The following LINGO2 variants were observed in gnomAD, a reference collection of about 807,000 sequenced individuals.
The protein encoded by LINGO2 is leucine rich repeat and Ig domain containing 2, also known as leucine-rich repeat and immunoglobulin-like domain-containing nogo receptor-interacting protein 2.
LINGO2 carries 14 observed loss-of-function variants against 30.6 expected under a neutral mutation model. The ratio of observed to expected loss-of-function variants is 0.46; its 90% CI spans 0.30 to 0.72. LINGO2 has a LOEUF of 0.72. Ranked by LOEUF, LINGO2 falls within the 30% of genes least tolerant of loss-of-function variation. The pLI is 0.07. For missense variants in LINGO2, 729 were observed against 751.7 expected (o/e 0.97, Z 0.35); for synonymous variants, 317 against 288.5 (o/e 1.10, Z -1.00).
At chr9:28,465,510 A>G (rs1825264013) in intron 2 of LINGO2, among the ~76,000 whole-genome samples, 1 of 152,104 alleles carries the variant, frequency 6.6e-6, no homozygotes, top group Non-Finnish European at 1.5e-5. Flanking sequence ...GAAAACAGGG[A>G]AGTGAAGTTC....
chr9:28,664,180 G>A (rs1251775626), intron 1 of LINGO2, among the ~76,000 whole-genome samples: 1 of 152,052 alleles, frequency 6.6e-6, no homozygotes, highest in Non-Finnish European at 1.5e-5. Context: ...AATAATGCTA[G>A]GGATAAAATT....
At chr9:28,394,290 G>A (rs560357296) in intron 2 of LINGO2, among the ~76,000 whole-genome samples, 60 of 152,300 alleles carry the variant, frequency 3.9e-4, no homozygotes, top group Admixed American at 2.6e-4. Flanking sequence ...GGACTTCACT[G>A]TCAGTAATCT....
At chr9:28,274,999 C>A (rs1823066336) in intron 4 of LINGO2, among the ~76,000 whole-genome samples, 1 of 152,136 alleles carries the variant, frequency 6.6e-6, no homozygotes, top group Admixed American at 6.5e-5. Flanking sequence ...GTATGAGTAT[C>A]TTCACCTCCG....
chr9:28,961,082 G>A, the LINGO2 span, among the ~76,000 whole-genome samples: 1 of 152,094 alleles, frequency 6.6e-6, no homozygotes, highest in African/African-American at 2.4e-5. Context: ...TGGCTAAGAA[G>A]CATTCAGACA....
chr9:28,267,196 C>T (rs902669806), intron 4 of LINGO2, among the ~76,000 whole-genome samples: 3 of 151,962 alleles, frequency 2.0e-5, no homozygotes, highest in African/African-American at 7.2e-5. Context: ...TACTCCAGAA[C>T]AATGTCTCTC....
chr9:29,169,511 CA>C, the LINGO2 span, among the ~76,000 whole-genome samples: 1 of 151,282 alleles, frequency 6.6e-6, no homozygotes, highest in Non-Finnish European at 1.5e-5. Context: ...GAGCGGCCAA[CA>C]AACATATGAA....
the LINGO2 span, among the ~76,000 whole-genome samples, chr9:29,050,033 AT>A: frequency 0.32 from 46,980 of 148,474 alleles, 7,253 homozygotes; most frequent in East Asian, 0.38. Context: ...TGCTTATTAC[AT>A]TTTTTTTTTT....
chr9:28,995,764 G>A, the LINGO2 span, among the ~76,000 whole-genome samples: 23 of 151,898 alleles, frequency 1.5e-4, 1 homozygote, highest in East Asian at 2.9e-3. Context: ...GTAAACTATC[G>A]CAAGGACAAA....
intron 4 of LINGO2, among the ~76,000 whole-genome samples, chr9:28,118,251 G>A (rs954872846): frequency 1.3e-5 from 2 of 152,114 alleles, no homozygotes; most frequent in African/African-American, 2.4e-5. Context: ...AAAAATTAGA[G>A]TCCAGAGAAT....
chr9:28,926,302 A>G, the LINGO2 span, among the ~76,000 whole-genome samples: 1 of 152,100 alleles, frequency 6.6e-6, no homozygotes, highest in Non-Finnish European at 1.5e-5. Context: ...GGATAGAGCA[A>G]GACTCTGTCT....
the LINGO2 span, among the ~76,000 whole-genome samples, chr9:28,785,948 C>T: frequency 6.6e-6 from 1 of 152,182 alleles, no homozygotes; most frequent in Non-Finnish European, 1.5e-5. Context: ...ATTCTCCAAA[C>T]TACGTACGAC....
In LINGO2 at chr9:28,246,547, C is replaced by T. The variant is rs955116351; in HGVS notation, c.-87+48661G>A. The stretch of plus-strand genomic sequence containing the variant: ...ATAGGTGCTGGGAAAACTGGCTAGC[C>T]GTATGCAGAAAATTGACACTGGACC... On this transcript the variant is annotated intron_variant, in intron 4 of 5. Transcript: ENST00000379992. Among the ~76,000 whole-genome samples, 7 of 152,062 alleles carry T rather than the reference C, an allele frequency of 4.6e-5. No individual in the cohort carries two copies. In the Middle Eastern group the frequency reaches 0.01, roughly 222 times the overall value.
chr9:28,530,751 T>G (rs2135427556), intron 1 of LINGO2, among the ~76,000 whole-genome samples: 1 of 152,188 alleles, frequency 6.6e-6, no homozygotes, highest in East Asian at 1.9e-4. Context: ...ACTATTGATT[T>G]CCCTCTGCCA....
chr9:28,414,927 T>TA (rs1295131094), intron 2 of LINGO2, among the ~76,000 whole-genome samples: 12 of 151,928 alleles, frequency 7.9e-5, no homozygotes, highest in Non-Finnish European at 1.6e-4. Context: ...AGTCCAGAGT[T>TA]AAAAAAATAA....
chr9:28,550,054 T>C (rs1433337647), intron 1 of LINGO2, among the ~76,000 whole-genome samples: 1 of 151,924 alleles, frequency 6.6e-6, no homozygotes, highest in Non-Finnish European at 1.5e-5. Context: ...AAAGTATCTA[T>C]CTTTGCATTT....
chr9:28,377,333 T>TA (rs2134607269), intron 2 of LINGO2, among the ~76,000 whole-genome samples: 1 of 152,174 alleles, frequency 6.6e-6, no homozygotes, highest in Non-Finnish European at 1.5e-5. Flanking sequence ...TTACTTAGAG[T>TA]AAATATATTT....
chr9:28,583,515 G>A (rs905909081), intron 1 of LINGO2, among the ~76,000 whole-genome samples: 2 of 152,060 alleles, frequency 1.3e-5, no homozygotes, highest in African/African-American at 2.4e-5. Flanking sequence ...TAAGGCTACT[G>A]TAAGCAAAAC....
chr9:29,159,891 A>G, the LINGO2 span, among the ~76,000 whole-genome samples: 1 of 152,108 alleles, frequency 6.6e-6, no homozygotes, highest in East Asian at 1.9e-4. Context: ...AATAGTTCAG[A>G]AATTTCACAA....
At chr9:28,892,103 T>C in the LINGO2 span, among the ~76,000 whole-genome samples, 1 of 151,976 alleles carries the variant, frequency 6.6e-6, no homozygotes, top group Non-Finnish European at 1.5e-5. Flanking sequence ...TCATAAAGTA[T>C]ACTACATGGT....
Sources: allele counts gnomAD v4.1 joint callset (sites outside exome capture counted in the v4.1 genomes callset), GRCh38; gene constraint gnomAD v4.1.1; transcripts MANE v1.5; gene names NCBI Gene and HGNC (gene_info 2026-07-23, HGNC 2026-07-21).